The following DEUP1 variants were observed in gnomAD, a reference collection of about 807,000 sequenced individuals.
The protein encoded by DEUP1 is coiled-coil domain containing 67.
A neutral mutation model predicts 87.4 loss-of-function variants in DEUP1; 82 were observed. The ratio of observed to expected loss-of-function variants is 0.94; its 90% CI spans 0.78 to 1.13. The LOEUF is 1.13. Ranked by LOEUF, DEUP1 falls within the 50% of genes most tolerant of loss-of-function variation. The pLI, the probability that DEUP1 is intolerant of heterozygous loss-of-function variation, is 0.00. For missense variants in DEUP1, 663 were observed against 681.5 expected, an observed-to-expected ratio of 0.97 and a Z score of 0.30; for synonymous variants, 214 against 222.7, an observed-to-expected ratio of 0.96 and a Z score of 0.35.
chr11:93,397,830 C>A (rs1946986476), intron 11 of DEUP1, among the ~76,000 whole-genome samples: 1 of 152,184 alleles, frequency 6.6e-6, no homozygotes, highest in Non-Finnish European at 1.5e-5. Flanking sequence ...TGCCTTTTGA[C>A]AGTCCATGAA....
intron 13 of DEUP1, among the ~76,000 whole-genome samples, chr11:93,433,036 GTC>G (rs1359130386): frequency 6.6e-6 from 1 of 152,016 alleles, no homozygotes; most frequent in Non-Finnish European, 1.5e-5. Flanking sequence ...TTCCAAGTCT[GTC>G]TCTCTGATTC....
chr11:93,333,715 C>T (rs970323730), intron 2 of DEUP1, among the ~76,000 whole-genome samples: 2 of 152,198 alleles, frequency 1.3e-5, no homozygotes, highest in Admixed American at 6.5e-5. Flanking sequence ...CTAGAATATA[C>T]ACCAGGTTAG....
At chr11:93,370,659 A>G (rs1194965653) in intron 6 of DEUP1, among the ~76,000 whole-genome samples, 2 of 152,196 alleles carry the variant, frequency 1.3e-5, no homozygotes, top group Non-Finnish European at 2.9e-5. Context: ...ACTCTGTTAC[A>G]TGCATTGACA....
At chr11:93,362,066 CA>C (rs1945201231) in intron 4 of DEUP1, among the ~76,000 whole-genome samples, 1 of 151,934 alleles carries the variant, frequency 6.6e-6, no homozygotes, top group Non-Finnish European at 1.5e-5. Context: ...AAAATTAACT[CA>C]AAATGGATCA....
chr11:93,419,466 A>T (rs1947789438), intron 13 of DEUP1, among the ~76,000 whole-genome samples: 1 of 152,158 alleles, frequency 6.6e-6, no homozygotes, highest in Non-Finnish European at 1.5e-5. Context: ...AGAAGTCAAC[A>T]TGGCAGATTA....
chr11:93,365,219 G>A lies in DEUP1; in HGVS notation c.432+925G>A, dbSNP rs1227344520. Among the ~76,000 whole-genome samples the A allele has an allele frequency of 3.3e-5, 5 of 152,042 alleles. No individual in the cohort carries two copies. In the South Asian group the frequency reaches 8.3e-4, roughly 25 times the overall value. ...TAAAGAGCAGAAAAAAATTAAATCC[G>A]GGATCACAGCCCTAAAATCGGCTTA... On this transcript the variant is annotated intron_variant, in intron 5 of 13. Coordinates refer to ENST00000298050, the MANE Select transcript of DEUP1 (RefSeq NM_181645.4).
chr11:93,406,737 C>A (rs1947291433), intron 11 of DEUP1, among the ~76,000 whole-genome samples: 1 of 151,652 alleles, frequency 6.6e-6, no homozygotes, highest in African/African-American at 2.4e-5. Context: ...GATTAGTACA[C>A]CTAATGTAAA....
At chr11:93,436,452 A>G (rs1268870314) in intron 13 of DEUP1, among the ~76,000 whole-genome samples, 1 of 152,254 alleles carries the variant, frequency 6.6e-6, no homozygotes, top group Non-Finnish European at 1.5e-5. Flanking sequence ...GATATTAAAA[A>G]GAATGCATTT....
At chr11:93,419,604 C>A (rs1187434135) in intron 13 of DEUP1, among the ~76,000 whole-genome samples, 2 of 152,080 alleles carry the variant, frequency 1.3e-5, no homozygotes, top group Non-Finnish European at 2.9e-5. Flanking sequence ...TTTAGCCTTT[C>A]TCATTTCCGT....
intron 11 of DEUP1, among the ~76,000 whole-genome samples, chr11:93,403,701 C>G (rs1031351895): frequency 6.6e-6 from 1 of 151,386 alleles, no homozygotes; most frequent in East Asian, 1.9e-4. Context: ...AGTTAATTTT[C>G]TCTTTCTGCT....
intron 13 of DEUP1, among the ~76,000 whole-genome samples, chr11:93,415,922 A>G (rs1031005514): frequency 5.3e-5 from 8 of 152,204 alleles, no homozygotes; most frequent in African/African-American, 1.9e-4. Context: ...GTCATTTCCA[A>G]TTTGGGGCTA....
chr11:93,391,974 A>G (rs951572942), intron 9 of DEUP1, among the ~76,000 whole-genome samples: 13 of 152,164 alleles, frequency 8.5e-5, no homozygotes, highest in Non-Finnish European at 1.8e-4. Flanking sequence ...AATCTGTTAA[A>G]TGATGAGGTT....
At chr11:93,354,433 T>C (rs901671249) in intron 2 of DEUP1, among the ~76,000 whole-genome samples, 21 of 152,170 alleles carry the variant, frequency 1.4e-4, no homozygotes, top group Admixed American at 5.2e-4. Flanking sequence ...CTCTGCCCAT[T>C]ACCCAGTTCC....
intron 7 of DEUP1, among the ~76,000 whole-genome samples, chr11:93,377,573 A>T (rs1332621001): frequency 6.6e-6 from 1 of 151,836 alleles, no homozygotes; most frequent in Admixed American, 6.6e-5. Flanking sequence ...CCATTCTGCC[A>T]CTCTGTATCT....
chr11:93,332,263 G>C lies in DEUP1; in HGVS notation c.4G>C (p.Glu2Gln), dbSNP rs369275899. The C allele has an allele frequency of 1.1e-4, 179 of 1,607,924 alleles. No individual in the cohort carries two copies. The highest frequency in any genetic ancestry group is 1.4e-4 in the Non-Finnish European group (168 of 1,176,664). The part of the protein sequence containing the change: M[E>Q]NQAHNTMGTS... ...CCAGATGTAGCAGTTTCTTGACATG[G>C]AGAACCAAGCCCATAATACGATGGG... Residue 2 changes from glutamate to glutamine, a missense_variant, in exon 2 of 14, where the codon GAG (glutamate) becomes CAG (glutamine). Glu to Gln is a conservative substitution (Grantham distance 29, BLOSUM62 2). Transcript: ENST00000298050.
rs774076308 is a variant in DEUP1, at chr11:93,385,427, A to C, written c.819A>C (p.Lys273Asn). 2 of 1,613,060 alleles carry C rather than the reference A, an allele frequency of 1.2e-6. No homozygotes were observed. Among genetic ancestry groups the C allele is most frequent in the Admixed American group, 3.3e-5 (2 of 59,834 alleles). The change falls in exon 8 of 14, where the codon AAA becomes AAC. Residue 273 changes from lysine to asparagine, a missense_variant. Physicochemically the swap from Lys to Asn is moderately conservative, Grantham distance 94. Transcript: ENST00000298050. ...QAMEAGLSEV[K>N]SELQSRDDLL... Reference sequence around the variant, plus strand: ...TGGAAGCAGGTCTCTCAGAGGTAAAAAGTGAGTTACAGTCACGTGATGATC... The same window carrying C: ...TGGAAGCAGGTCTCTCAGAGGTAAACAGTGAGTTACAGTCACGTGATGATC...
rs769442755 is a variant in DEUP1 at position 93,362,456 on chromosome 11, A to T, written c.298-1704A>T. Among the ~76,000 whole-genome samples the T allele has an allele frequency of 8.5e-5, 13 of 152,116 alleles. 1 individual carries two copies. The highest frequency in any genetic ancestry group is 1.9e-4 in the Non-Finnish European group (13 of 67,862). ...TATGAATGGCCAATAAGCACATAAAAAATGCTTAACATCATTAGTCATTAG... is the reference window on the plus strand; with the variant it reads ...TATGAATGGCCAATAAGCACATAAATAATGCTTAACATCATTAGTCATTAG... On this transcript the variant is annotated intron_variant, in intron 4 of 13. Transcript: ENST00000298050.
intron 11 of DEUP1, among the ~76,000 whole-genome samples, chr11:93,399,948 T>C (rs1410015787): frequency 1.3e-5 from 2 of 152,146 alleles, no homozygotes; most frequent in Non-Finnish European, 2.9e-5. Context: ...TTCATATATT[T>C]GTTCTTAATT....
chr11:93,343,594 C>G (rs3019218), intron 2 of DEUP1, among the ~76,000 whole-genome samples: 81,478 of 151,960 alleles, frequency 0.54, 22,200 homozygotes, highest in Admixed American at 0.65. Context: ...ATCTGTGGAC[C>G]AAGGGGTTAC....
Sources: allele counts gnomAD v4.1 joint callset (sites outside exome capture counted in the v4.1 genomes callset), GRCh38; gene constraint gnomAD v4.1.1; transcripts MANE v1.5; gene names NCBI Gene and HGNC (gene_info 2026-07-23, HGNC 2026-07-21).